The following VPS41 variants were observed in gnomAD, a reference collection of about 807,000 sequenced individuals.
VPS41 encodes the protein VPS41 subunit of HOPS complex, also known as vacuolar protein sorting-associated protein 41 homolog.
VPS41 carries 85 observed loss-of-function variants against 130.9 expected under a neutral mutation model. That is an observed-to-expected ratio of 0.65 (90% CI 0.55 to 0.78). The LOEUF (loss-of-function observed/expected upper bound fraction) is 0.78. Ranked by LOEUF, VPS41 falls within the 30% of genes least tolerant of loss-of-function variation. The pLI, the probability that VPS41 is intolerant of heterozygous loss-of-function variation, is 0.00. For synonymous variants in VPS41, 335 were observed against 332.9 expected (o/e 1.01, Z -0.07); for missense variants, 874 against 1,018.7 (o/e 0.86, Z 1.93).
chr7:38,817,355 G>A (rs1267106389), intron 7 of VPS41, among the ~76,000 whole-genome samples: 1 of 152,188 alleles, frequency 6.6e-6, no homozygotes, highest in Admixed American at 6.5e-5. Flanking sequence ...TGTCATCCCA[G>A]GGCTTTGGGA....
chr7:38,726,949 C>T lies in VPS41; in HGVS notation c.2444G>A (p.Arg815Gln), dbSNP rs149584623. ...CAGGCACTCCTTGTGGAACATGTGCCGGCAATGGAAGACCACCACGCTGAA... is the reference window on the plus strand; with the variant it reads ...CAGGCACTCCTTGTGGAACATGTGCTGGCAATGGAAGACCACCACGCTGAA... ...KPFSVVVFHCRHMFHKECLPM... is the reference protein window; with the variant it reads ...KPFSVVVFHCQHMFHKECLPM... Residue 815 changes from arginine (R) to glutamine (Q), a missense_variant, in exon 28 of 29, where the codon CGG (arginine) becomes CAG (glutamine). Coordinates refer to ENST00000310301, the MANE Select transcript of VPS41 (RefSeq NM_014396.4). 34 of 1,590,708 alleles carry T rather than the reference C, an allele frequency of 2.1e-5. No homozygotes were observed. The highest frequency in any genetic ancestry group is 1.7e-4 in the Middle Eastern group (1 of 5,944).
chr7:38,836,727 A>G (rs1342985565), intron 4 of VPS41, among the ~76,000 whole-genome samples: 3 of 152,166 alleles, frequency 2.0e-5, no homozygotes, highest in African/African-American at 4.8e-5. Flanking sequence ...ACAAGAGTTA[A>G]TTTAACAAAA....
intron 3 of VPS41, among the ~76,000 whole-genome samples, chr7:38,867,372 C>T (rs941600264): frequency 6.6e-6 from 1 of 151,816 alleles, no homozygotes; most frequent in Non-Finnish European, 1.5e-5. Flanking sequence ...AGGTGAAACC[C>T]TGTCTCTACT....
chr7:38,822,359 C>T (rs1785188400), intron 5 of VPS41, among the ~76,000 whole-genome samples: 1 of 152,164 alleles, frequency 6.6e-6, no homozygotes, highest in African/African-American at 2.4e-5. Flanking sequence ...TCCAACTAAT[C>T]ACTACCCTCA....
chr7:38,859,206 G>A (rs572044885), intron 4 of VPS41, among the ~76,000 whole-genome samples: 1 of 152,180 alleles, frequency 6.6e-6, no homozygotes, highest in East Asian at 1.9e-4. Flanking sequence ...GCTTTAAGGT[G>A]TGCTATTATA....
At chr7:38,732,240 G>A (rs1315900320) in intron 25 of VPS41, among the ~76,000 whole-genome samples, 1 of 152,158 alleles carries the variant, frequency 6.6e-6, no homozygotes, top group Non-Finnish European at 1.5e-5. Context: ...GGCTACTAAG[G>A]AAATCCAAAG....
At chr7:38,818,155 T>C (rs1348856702) in intron 6 of VPS41, among the ~76,000 whole-genome samples, 1 of 151,790 alleles carries the variant, frequency 6.6e-6, no homozygotes, top group Non-Finnish European at 1.5e-5. Flanking sequence ...GGATGTCACC[T>C]GTATAGAGGC....
chr7:38,745,709 C>A, intron 22 of VPS41, 96 bp from the exon 23 acceptor site: 1 of 921,192 alleles, frequency 1.1e-6, no homozygotes, highest in Admixed American at 2.3e-5. Context: ...AGAATTTTTC[C>A]ACAGCTTCTT....
At chr7:38,727,836 C>A (rs957525331) in intron 27 of VPS41, among the ~76,000 whole-genome samples, 3 of 152,144 alleles carry the variant, frequency 2.0e-5, no homozygotes, top group African/African-American at 7.2e-5. Flanking sequence ...TGTTAGTTTC[C>A]GCTTTTGAAT....
intron 4 of VPS41, among the ~76,000 whole-genome samples, chr7:38,843,306 G>A (rs112005055): frequency 1.3e-5 from 2 of 152,248 alleles, no homozygotes; most frequent in African/African-American, 4.8e-5. Context: ...ATGTCCCCGT[G>A]ACACTAATTA....
chr7:38,880,612 G>A (rs774822718), intron 2 of VPS41, among the ~76,000 whole-genome samples: 13 of 151,924 alleles, frequency 8.6e-5, no homozygotes, highest in Non-Finnish European at 1.6e-4. Flanking sequence ...TCTGAGAGAC[G>A]TATTTAATCT....
chr7:38,849,487 C>T (rs1337373553), intron 4 of VPS41, among the ~76,000 whole-genome samples: 1 of 152,172 alleles, frequency 6.6e-6, no homozygotes, highest in African/African-American at 2.4e-5. Flanking sequence ...TGGTAGCTCT[C>T]AGCAGATGGG....
intron 19 of VPS41, 105 bp downstream of exon 19, chr7:38,756,733 A>G: frequency 1.2e-6 from 1 of 863,922 alleles, no homozygotes. Context: ...CATAAAGCCA[A>G]GTTATGTGAT....
Position 38,723,769 on chromosome 7 carries a change from G to A in VPS41, c.*2477C>T, listed in dbSNP as rs1437616196. On this transcript the variant is annotated 3_prime_UTR_variant, in exon 29 of 29. Transcript: ENST00000310301. ...AAAAAAAAAGAATAGCTTATGAAGT[G>A]TGTACTTTGCAACTATGTTCTTCCC... The A allele has an allele frequency of 3.1e-5, 4 of 128,160 alleles. No individual in the cohort carries two copies. Among genetic ancestry groups the A allele is most frequent in the African/African-American group, 1.3e-4 (4 of 31,668 alleles). 7.9% of individuals were successfully genotyped at this position (128,160 alleles called of 1,614,324 possible).
intron 27 of VPS41, among the ~76,000 whole-genome samples, chr7:38,728,090 T>C (rs1795583587): frequency 6.6e-6 from 1 of 152,200 alleles, no homozygotes; most frequent in Non-Finnish European, 1.5e-5. Context: ...AAATTTTTTT[T>C]CCCAGACATG....
intron 1 of VPS41, among the ~76,000 whole-genome samples, chr7:38,899,735 A>G (rs1195784725): frequency 1.3e-5 from 2 of 152,228 alleles, no homozygotes; most frequent in East Asian, 3.8e-4. Flanking sequence ...GCTGAATATT[A>G]TGTTATTAGC....
At chr7:38,886,680 C>G (rs144806803) in intron 2 of VPS41, among the ~76,000 whole-genome samples, 1 of 152,224 alleles carries the variant, frequency 6.6e-6, no homozygotes, top group Non-Finnish European at 1.5e-5. Context: ...TCTCCCAGCA[C>G]GGCATTTGAG....
intron 25 of VPS41, among the ~76,000 whole-genome samples, chr7:38,732,898 A>G (rs956441942): frequency 1.3e-5 from 2 of 152,092 alleles, no homozygotes; most frequent in Non-Finnish European, 2.9e-5. Flanking sequence ...CATGATCAGA[A>G]CTCACTGCAG....
intron 9 of VPS41, among the ~76,000 whole-genome samples, chr7:38,795,052 A>T (rs1784594187): frequency 6.6e-6 from 1 of 152,120 alleles, no homozygotes; most frequent in Non-Finnish European, 1.5e-5. Context: ...TTTAATTTTA[A>T]CCTTCTCTCT....
Sources: allele counts gnomAD v4.1 joint callset (sites outside exome capture counted in the v4.1 genomes callset), GRCh38; gene constraint gnomAD v4.1.1; transcripts MANE v1.5; gene names NCBI Gene and HGNC (gene_info 2026-07-23, HGNC 2026-07-21).